Variants in OPCML observed in about 807,000 individuals in gnomAD.
OPCML encodes opioid-binding protein/cell adhesion molecule.
Under a neutral mutation model 37.8 loss-of-function variants are expected in OPCML, and 13 were observed. The ratio of observed to expected loss-of-function variants is 0.34; its 90% CI spans 0.22 to 0.55. The LOEUF (loss-of-function observed/expected upper bound fraction) is 0.55. OPCML is among the 20% of genes least tolerant of loss of function. The pLI is 0.91. For synonymous variants in OPCML, 176 were observed against 168.8 expected, an observed-to-expected ratio of 1.04 and a Z score of -0.33; for missense variants, 341 against 435.6, an observed-to-expected ratio of 0.78 and a Z score of 1.93.
At chr11:133,074,866 C>T (rs1363824019) in intron 1 of OPCML, among the ~76,000 whole-genome samples, 1 of 152,124 alleles carries the variant, frequency 6.6e-6, no homozygotes, top group African/African-American at 2.4e-5. Context: ...ATCTCTCAGC[C>T]CCATTTCAAA....
At chr11:132,525,780 T>C (rs1042876679) in intron 4 of OPCML, 9 of 152,236 alleles carry the variant, frequency 5.9e-5, no homozygotes, top group Admixed American at 5.2e-4. Context: ...ACACGTGCCA[T>C]GGTGGTTTGC....
At chr11:133,149,023 C>T (rs1055085428) in intron 1 of OPCML, among the ~76,000 whole-genome samples, 11 of 152,238 alleles carry the variant, frequency 7.2e-5, no homozygotes, top group Middle Eastern at 3.4e-3. Context: ...TCACCCACTG[C>T]CAGCCGTTCT....
chr11:133,295,756 A>G (rs1942614032), intron 1 of OPCML, among the ~76,000 whole-genome samples: 1 of 152,246 alleles, frequency 6.6e-6, no homozygotes, highest in Admixed American at 6.5e-5. Flanking sequence ...ATTGATAGCA[A>G]TGCAAAATAG....
chr11:133,031,535 T>TTGGATGGATGGA (rs1168297984), intron 1 of OPCML, among the ~76,000 whole-genome samples: 1 of 148,260 alleles, frequency 6.7e-6, no homozygotes, highest in African/African-American at 2.5e-5. Context: ...GGATGGATGG[T>TTGGATGGATGGA]TGGATGGATG....
chr11:132,428,986 A>G (rs184313813), intron 7 of OPCML, among the ~76,000 whole-genome samples: 52 of 152,250 alleles, frequency 3.4e-4, no homozygotes, highest in African/African-American at 1.2e-3. Flanking sequence ...AATTCCTGGC[A>G]TACAGTAGGC....
At chr11:133,256,019 A>G (rs1941301503) in intron 1 of OPCML, among the ~76,000 whole-genome samples, 1 of 152,158 alleles carries the variant, frequency 6.6e-6, no homozygotes, top group African/African-American at 2.4e-5. Context: ...TATTTCGTTC[A>G]CTATTTTTGC....
At chr11:132,517,377 C>T (rs1057218492) in intron 4 of OPCML, among the ~76,000 whole-genome samples, 9 of 152,116 alleles carry the variant, frequency 5.9e-5, no homozygotes, top group Admixed American at 2.0e-4. Context: ...ATCAAGGGTG[C>T]TCATCCAGGA....
At chr11:133,479,199 T>C (rs1947319750) in intron 1 of OPCML, among the ~76,000 whole-genome samples, 4 of 152,194 alleles carry the variant, frequency 2.6e-5, no homozygotes, top group Admixed American at 2.6e-4. Flanking sequence ...AGATGCAGCA[T>C]CTCAGCCTAC....
chr11:132,536,359 T>C (rs1219153689), intron 3 of OPCML, among the ~76,000 whole-genome samples: 2 of 152,318 alleles, frequency 1.3e-5, no homozygotes, highest in Middle Eastern at 3.4e-3. Context: ...TGAACACAAT[T>C]TTTTTCCTAC....
At chr11:132,712,504 G>A (rs1480002328) in intron 2 of OPCML, among the ~76,000 whole-genome samples, 1 of 152,104 alleles carries the variant, frequency 6.6e-6, no homozygotes, top group African/African-American at 2.4e-5. Context: ...CTTTTTAGCC[G>A]TACAGTCTAA....
At chr11:132,468,066 G>T (rs2096125187) in intron 4 of OPCML, among the ~76,000 whole-genome samples, 1 of 152,180 alleles carries the variant, frequency 6.6e-6, no homozygotes, top group Middle Eastern at 3.4e-3. Flanking sequence ...CCTTCATTTG[G>T]ACAAAGCTAA....
At chr11:132,952,432 T>C (rs550890911) in intron 1 of OPCML, among the ~76,000 whole-genome samples, 6 of 152,308 alleles carry the variant, frequency 3.9e-5, no homozygotes, top group African/African-American at 1.2e-4. Flanking sequence ...GCACAATTAA[T>C]GCAGGAAATC....
intron 1 of OPCML, among the ~76,000 whole-genome samples, chr11:133,266,107 C>A (rs1405612376): frequency 6.6e-6 from 1 of 152,036 alleles, no homozygotes; most frequent in East Asian, 1.9e-4. Context: ...GGTAACCAAT[C>A]CCAAGTCTTT....
At chr11:133,191,655 G>A (rs572218328) in intron 1 of OPCML, among the ~76,000 whole-genome samples, 3 of 152,036 alleles carry the variant, frequency 2.0e-5, no homozygotes, top group African/African-American at 7.2e-5. Context: ...CACCATGTCC[G>A]GCTTATTTTC....
chr11:133,529,471 C>T (rs762730213), intron 1 of OPCML, among the ~76,000 whole-genome samples: 5 of 152,186 alleles, frequency 3.3e-5, no homozygotes, highest in Admixed American at 6.5e-5. Flanking sequence ...GGGCCCTCTG[C>T]CCTGTCTTGG....
intron 3 of OPCML, among the ~76,000 whole-genome samples, chr11:132,592,303 C>A (rs1376931522): frequency 6.6e-6 from 1 of 152,112 alleles, no homozygotes; most frequent in Non-Finnish European, 1.5e-5. Flanking sequence ...CATTGCTGTA[C>A]CTTGGAGCCT....
intron 4 of OPCML, among the ~76,000 whole-genome samples, chr11:132,479,021 A>G (rs1369210226): frequency 6.6e-6 from 1 of 152,180 alleles, no homozygotes; most frequent in African/African-American, 2.4e-5. Context: ...AGTTCTTAAT[A>G]GGGAGAGGAG....
At chr11:132,495,922 A>G (rs1174930278) in intron 4 of OPCML, among the ~76,000 whole-genome samples, 2 of 151,670 alleles carry the variant, frequency 1.3e-5, no homozygotes, top group Middle Eastern at 3.2e-3. Flanking sequence ...AGTTTGTTCT[A>G]AGTGATAGTT....
At chr11:132,944,784 G>A (rs927150663) in intron 1 of OPCML, among the ~76,000 whole-genome samples, 4 of 152,096 alleles carry the variant, frequency 2.6e-5, no homozygotes, top group African/African-American at 9.7e-5. Flanking sequence ...TGGGCCCCTC[G>A]GGAGGCCCTC....
Sources: gnomAD v4.1 joint callset for allele counts (sites outside exome capture counted in the v4.1 genomes callset) on GRCh38, gnomAD v4.1.1 for gene constraint, MANE v1.5 for transcripts, NCBI Gene and HGNC (gene_info 2026-07-23, HGNC 2026-07-21) for gene names.